DNM3: variants seen among roughly 807,000 people sequenced by gnomAD.
DNM3 encodes the protein dynamin 3, also known as dynamin-3.
Under a neutral mutation model 101.6 loss-of-function variants are expected in DNM3, and 47 were observed. That is an observed-to-expected ratio of 0.46 (90% CI 0.37 to 0.59). The LOEUF (loss-of-function observed/expected upper bound fraction) is 0.59. Among genes scored for constraint, DNM3 ranks in the 20% least tolerant of loss-of-function variants. DNM3 has a pLI of 0.00. For missense variants in DNM3, 849 were observed against 1,085.7 expected, an observed-to-expected ratio of 0.78 and a Z score of 3.06; for synonymous variants, 385 against 387.9, an observed-to-expected ratio of 0.99 and a Z score of 0.09.
At chr1:172,338,812 G>C (rs775996799) in intron 17 of DNM3, 1 of 485,384 alleles carries the variant, frequency 2.1e-6, no homozygotes, top group Non-Finnish European at 4.1e-6. Flanking sequence ...TTTTTCAGAT[G>C]AACCTAAGTG....
chr1:172,041,036 A>G (rs1055975465), intron 7 of DNM3, among the ~76,000 whole-genome samples: 3 of 152,154 alleles, frequency 2.0e-5, no homozygotes, highest in East Asian at 1.9e-4. Context: ...GGATCCATTG[A>G]AAAACAAGGC....
intron 7 of DNM3, among the ~76,000 whole-genome samples, chr1:172,040,863 A>C (rs550953498): frequency 1.3e-5 from 2 of 152,118 alleles, no homozygotes; most frequent in African/African-American, 4.8e-5. Context: ...GTGTAAAAGC[A>C]CAGGGACATG....
intron 18 of DNM3, among the ~76,000 whole-genome samples, chr1:172,379,724 A>T (rs1208594447): frequency 6.6e-6 from 1 of 152,008 alleles, no homozygotes; most frequent in Admixed American, 6.6e-5. Flanking sequence ...TAAGGTAAGG[A>T]TGCTATAACC....
intron 14 of DNM3, among the ~76,000 whole-genome samples, chr1:172,191,665 A>G (rs1414610592): frequency 6.6e-6 from 1 of 152,136 alleles, no homozygotes; most frequent in Non-Finnish European, 1.5e-5. Context: ...GTGTTCTTCC[A>G]TTTGTTTGTG....
intron 14 of DNM3, among the ~76,000 whole-genome samples, chr1:172,170,839 A>C (rs376006128): frequency 2.6e-5 from 4 of 151,900 alleles, no homozygotes. Context: ...TAACTAAATC[A>C]TGGAGAAGAA....
chr1:171,986,151 TC>T lies in DNM3; in HGVS notation c.236-1504del, dbSNP rs532622846. ...AGGTTCTCTGATTCTCTGGAAGACC[TC>T]TTTCTCCCTGCACATGTAAAAATCC... On this transcript the variant is annotated intron_variant, in intron 2 of 20. Transcript: ENST00000627582. Among the ~76,000 whole-genome samples the T allele has an allele frequency of 5.3e-5, 8 of 152,296 alleles. No homozygotes were observed. The East Asian group carries it at 1.5e-3, about 29-fold the overall frequency.
chr1:172,390,842 A>G (rs1200160198), intron 20 of DNM3, among the ~76,000 whole-genome samples: 1 of 152,206 alleles, frequency 6.6e-6, no homozygotes, highest in African/African-American at 2.4e-5. Flanking sequence ...TTGTCTGTCT[A>G]GCTGTGAGAA....
At chr1:172,251,553 C>A (rs1188081699) in intron 14 of DNM3, among the ~76,000 whole-genome samples, 1 of 152,036 alleles carries the variant, frequency 6.6e-6, no homozygotes, top group Non-Finnish European at 1.5e-5. Context: ...ATATGAGGAC[C>A]ATTTTTCATG....
intron 2 of DNM3, among the ~76,000 whole-genome samples, chr1:171,948,001 C>G (rs2042270586): frequency 6.6e-6 from 1 of 152,172 alleles, no homozygotes; most frequent in African/African-American, 2.4e-5. Context: ...GGGGCTTTTT[C>G]AAGCTCTTAA....
At chr1:172,190,595 C>A (rs1477769566) in intron 14 of DNM3, among the ~76,000 whole-genome samples, 2 of 152,106 alleles carry the variant, frequency 1.3e-5, no homozygotes, top group African/African-American at 2.4e-5. Flanking sequence ...TGCCACACTG[C>A]CTTCCACAAT....
chr1:172,054,691 G>A (rs979692205), intron 10 of DNM3, among the ~76,000 whole-genome samples: 1 of 152,130 alleles, frequency 6.6e-6, no homozygotes, highest in Non-Finnish European at 1.5e-5. Context: ...AGGCGAGGTG[G>A]CTCATGCCTG....
chr1:172,032,118 T>C (rs1489871874), intron 4 of DNM3, among the ~76,000 whole-genome samples: 1 of 152,186 alleles, frequency 6.6e-6, no homozygotes, highest in African/African-American at 2.4e-5. Context: ...CATATATGCG[T>C]GGTACAAAAA....
At chr1:172,236,682 T>C (rs1296357431) in intron 14 of DNM3, among the ~76,000 whole-genome samples, 2 of 152,096 alleles carry the variant, frequency 1.3e-5, no homozygotes, top group East Asian at 3.9e-4. Flanking sequence ...ATACATACTC[T>C]GTTAACTAAA....
intron 2 of DNM3, among the ~76,000 whole-genome samples, chr1:171,935,822 A>G (rs2041372758): frequency 8.0e-6 from 1 of 124,884 alleles, no homozygotes; most frequent in South Asian, 2.5e-4. Context: ...GTTGTTAAGC[A>G]TTTACCAGGA....
intron 10 of DNM3, among the ~76,000 whole-genome samples, chr1:172,052,455 C>T (rs923702224): frequency 3.9e-5 from 6 of 152,172 alleles, no homozygotes; most frequent in African/African-American, 1.4e-4. Flanking sequence ...TTTCTCCTCT[C>T]ATGGTCAGCC....
chr1:172,085,427 C>T (rs1222990401), intron 12 of DNM3, among the ~76,000 whole-genome samples: 1 of 152,122 alleles, frequency 6.6e-6, no homozygotes, highest in Non-Finnish European at 1.5e-5. Context: ...AAATTTCAAA[C>T]TCCTCTGCTC....
intron 14 of DNM3, among the ~76,000 whole-genome samples, chr1:172,150,809 C>T (rs1032349291): frequency 6.6e-6 from 1 of 152,170 alleles, no homozygotes; most frequent in African/African-American, 2.4e-5. Context: ...AGGGCCTGGC[C>T]CAGAGCTAAG....
intron 2 of DNM3, among the ~76,000 whole-genome samples, chr1:171,949,818 A>T (rs1197311866): frequency 1.3e-5 from 2 of 152,190 alleles, no homozygotes; most frequent in African/African-American, 4.8e-5. Flanking sequence ...ACTCTTACAC[A>T]CTGTTGGTGT....
chr1:172,410,574 G>A lies in DNM3; in HGVS notation c.*2733G>A. ...ATAACCATTTACTCAATTATGGACA[G>A]CTTATTGAAATAGTATTGATTTAGA... On this transcript the variant is annotated 3_prime_UTR_variant, in exon 21 of 21. Coordinates refer to ENST00000627582, the MANE Select transcript of DNM3 (RefSeq NM_015569.5). The A allele has an allele frequency of 2.0e-6, 2 of 984,476 alleles. No individual in the cohort carries two copies. The highest frequency in any genetic ancestry group is 3.5e-5 in the African/African-American group (2 of 57,322). 61.0% of individuals were successfully genotyped at this position (984,476 alleles called of 1,614,324 possible). A position where few individuals can be genotyped will look rare whatever the true frequency, so the allele number is the denominator to read the frequency against.
Sources: gnomAD v4.1 joint callset for allele counts (sites outside exome capture counted in the v4.1 genomes callset) on GRCh38, gnomAD v4.1.1 for gene constraint, MANE v1.5 for transcripts, NCBI Gene and HGNC (gene_info 2026-07-23, HGNC 2026-07-21) for gene names.